CABCOCO1: variants seen among roughly 807,000 people sequenced by gnomAD.
The protein encoded by CABCOCO1 is ciliary associated calcium binding coiled-coil 1, also known as ciliary-associated calcium-binding coiled-coil protein 1.
Under a neutral mutation model 35.7 loss-of-function variants are expected in CABCOCO1, and 28 were observed. The ratio of observed to expected loss-of-function variants is 0.78; its 90% CI spans 0.58 to 1.07. The LOEUF is 1.07. Among genes scored for constraint, CABCOCO1 ranks in the 50% least tolerant of loss-of-function variants. The pLI, the probability that CABCOCO1 is intolerant of heterozygous loss-of-function variation, is 0.00. For missense variants in CABCOCO1, 326 were observed against 309.2 expected (o/e 1.05, Z -0.41); for synonymous variants, 95 against 100.1 (o/e 0.95, Z 0.30).
intron 1 of CABCOCO1, among the ~76,000 whole-genome samples, chr10:61,671,927 C>G (rs570897874): frequency 6.6e-6 from 1 of 152,324 alleles, no homozygotes; most frequent in East Asian, 1.9e-4. Flanking sequence ...CTTGTGAACA[C>G]TCAGTACATA....
intron 5 of CABCOCO1, among the ~76,000 whole-genome samples, chr10:61,711,108 C>A (rs143472299): frequency 6.6e-6 from 1 of 151,524 alleles, no homozygotes; most frequent in Admixed American, 6.6e-5. Context: ...AGATTTAAAC[C>A]GAACTAAATC....
At chr10:61,709,649 C>A (rs1377681075) in intron 5 of CABCOCO1, among the ~76,000 whole-genome samples, 11 of 149,250 alleles carry the variant, frequency 7.4e-5, no homozygotes, top group African/African-American at 2.7e-4. Flanking sequence ...TTTTTAAAGT[C>A]ATTTAAATCG....
chr10:61,681,361 T>C (rs1220740568), intron 3 of CABCOCO1, 49 bp downstream of exon 3: 1 of 1,356,298 alleles, frequency 7.4e-7, no homozygotes, highest in Non-Finnish European at 1.0e-6. Context: ...ATTTACCATA[T>C]AAATTGAGGT....
At chr10:61,755,486 A>T (rs1441818181) in intron 5 of CABCOCO1, among the ~76,000 whole-genome samples, 1 of 152,098 alleles carries the variant, frequency 6.6e-6, no homozygotes, top group Non-Finnish European at 1.5e-5. Context: ...CTAAGTTCTG[A>T]TTTACATATG....
At chr10:61,671,519 A>C (rs535344157) in intron 1 of CABCOCO1, among the ~76,000 whole-genome samples, 1 of 152,264 alleles carries the variant, frequency 6.6e-6, no homozygotes. Context: ...TCTAACTCAC[A>C]CAAAGGTGGC....
chr10:61,699,269 C>T (rs2132010891), intron 5 of CABCOCO1, among the ~76,000 whole-genome samples: 1 of 152,224 alleles, frequency 6.6e-6, no homozygotes, highest in Non-Finnish European at 1.5e-5. Context: ...AGTCCTTTTT[C>T]TCCGAAGCAC....
intron 1 of CABCOCO1, among the ~76,000 whole-genome samples, chr10:61,664,842 A>G (rs1038677724): frequency 2.6e-5 from 4 of 152,220 alleles, no homozygotes; most frequent in African/African-American, 4.8e-5. Context: ...TATGTTAGAT[A>G]GAAAAATGGC....
intron 5 of CABCOCO1, among the ~76,000 whole-genome samples, chr10:61,746,798 G>A (rs1461283384): frequency 1.3e-5 from 2 of 151,928 alleles, no homozygotes; most frequent in East Asian, 3.9e-4. Flanking sequence ...TGTATATGTT[G>A]GAATAATAGG....
intron 5 of CABCOCO1, among the ~76,000 whole-genome samples, 175 bp downstream of exon 5, chr10:61,690,796 A>G (rs1840115421): frequency 6.6e-6 from 1 of 152,164 alleles, no homozygotes; most frequent in African/African-American, 2.4e-5. Flanking sequence ...TGCATTAGGA[A>G]AATAAGTGGT....
chr10:61,721,052 G>A (rs1178084310), intron 5 of CABCOCO1, among the ~76,000 whole-genome samples: 3 of 149,724 alleles, frequency 2.0e-5, no homozygotes, highest in South Asian at 4.3e-4. Flanking sequence ...AGCCTCCTGA[G>A]TAGCTGGGAC....
At chr10:61,697,174 C>T (rs1448100088) in intron 5 of CABCOCO1, among the ~76,000 whole-genome samples, 1 of 152,020 alleles carries the variant, frequency 6.6e-6, no homozygotes, top group African/African-American at 2.4e-5. Context: ...CATATGTACT[C>T]ATATTATATA....
At chr10:61,707,080 C>T (rs960494567) in intron 5 of CABCOCO1, among the ~76,000 whole-genome samples, 1 of 152,134 alleles carries the variant, frequency 6.6e-6, no homozygotes, top group Non-Finnish European at 1.5e-5. Flanking sequence ...GGAAACTGAT[C>T]CTCAAATGAG....
intron 5 of CABCOCO1, among the ~76,000 whole-genome samples, chr10:61,731,578 G>A (rs1418682859): frequency 2.6e-5 from 4 of 151,712 alleles, no homozygotes; most frequent in Admixed American, 6.6e-5. Context: ...ATACTTCTAA[G>A]GAGTCAAACT....
chr10:61,750,485 A>C (rs1241653052), intron 5 of CABCOCO1, among the ~76,000 whole-genome samples: 1 of 152,148 alleles, frequency 6.6e-6, no homozygotes, highest in Non-Finnish European at 1.5e-5. Flanking sequence ...CTGAGGCAGG[A>C]GAATTGCTTG....
chr10:61,711,307 C>T (rs964406465), intron 5 of CABCOCO1, among the ~76,000 whole-genome samples: 3 of 151,838 alleles, frequency 2.0e-5, no homozygotes, highest in Non-Finnish European at 2.9e-5. Context: ...ATGTATACCA[C>T]GTTAACAGCA....
chr10:61,702,937 AAAC>A (rs1166881045), intron 5 of CABCOCO1, among the ~76,000 whole-genome samples: 28 of 152,232 alleles, frequency 1.8e-4, no homozygotes, highest in Admixed American at 9.2e-4. Context: ...AGGAAAAAAA[AAAC>A]AACAACAGAG....
At chr10:61,683,448 C>G (rs1245350486) in intron 3 of CABCOCO1, among the ~76,000 whole-genome samples, 1 of 152,070 alleles carries the variant, frequency 6.6e-6, no homozygotes, top group Non-Finnish European at 1.5e-5. Context: ...GTGGTCTCAG[C>G]TACTTGGGAT....
intron 5 of CABCOCO1, chr10:61,701,869 A>C: frequency 1.1e-6 from 1 of 898,482 alleles, no homozygotes; most frequent in Non-Finnish European, 1.3e-6. Context: ...CTAAAGGACT[A>C]GCAAGATAAA....
At chr10:61,732,296 T>C (rs187612285) in intron 5 of CABCOCO1, among the ~76,000 whole-genome samples, 1 of 152,174 alleles carries the variant, frequency 6.6e-6, no homozygotes, top group Non-Finnish European at 1.5e-5. Flanking sequence ...GTGTGAACCA[T>C]CAAAAATTTA....
Sources: gnomAD v4.1 joint callset for allele counts (sites outside exome capture counted in the v4.1 genomes callset) on GRCh38, gnomAD v4.1.1 for gene constraint, MANE v1.5 for transcripts, NCBI Gene and HGNC (gene_info 2026-07-23, HGNC 2026-07-21) for gene names.